PALB2: variants seen among roughly 807,000 people sequenced by gnomAD.
PALB2 encodes the protein partner and localizer of BRCA2.
Under a neutral mutation model 107.4 loss-of-function variants are expected in PALB2, and 82 were observed. The observed-to-expected ratio is 0.76, with a 90% CI of 0.64 to 0.92. The LOEUF is 0.92. PALB2 is among the 40% of genes least tolerant of loss of function. The pLI, the probability that PALB2 is intolerant of heterozygous loss-of-function variation, is 0.00. For missense variants in PALB2, 1,374 were observed against 1,379.9 expected (o/e 1.00, Z 0.07); for synonymous variants, 489 against 496.8 (o/e 0.98, Z 0.21).
At chr16:23,621,038 A>G (rs1597079272) in intron 10 of PALB2, among the ~76,000 whole-genome samples, 1 of 152,176 alleles carries the variant, frequency 6.6e-6, no homozygotes, top group African/African-American at 2.4e-5. Flanking sequence ...ATGAAACCCT[A>G]TCTCTACTAA....
chr16:23,636,215 C>T lies in PALB2; in HGVS notation c.331G>A (p.Asp111Asn), dbSNP rs1597099556. ...DVGPESFNPGDGPGGLPIQRT... is the reference protein window; with the variant it reads ...DVGPESFNPGNGPGGLPIQRT... Reference sequence around the variant, plus strand: ...TGTATAGGTAATCCTCCTGGGCCATCTCCAGGGTTAAAGGACTCAGGCCCA... The same window carrying T: ...TGTATAGGTAATCCTCCTGGGCCATTTCCAGGGTTAAAGGACTCAGGCCCA... Residue 111 changes from aspartate (D) to asparagine (N), a missense_variant, in exon 4 of 13, where the codon GAT becomes AAT. Transcript: ENST00000261584. 3 of 1,613,220 alleles carry T rather than the reference C, an allele frequency of 1.9e-6. No homozygotes were observed. The highest frequency in any genetic ancestry group is 2.5e-6 in the Non-Finnish European group (3 of 1,179,876).
intron 8 of PALB2, 106 bp downstream of exon 8, chr16:23,623,903 T>C: frequency 1.3e-6 from 1 of 761,380 alleles, no homozygotes; most frequent in South Asian, 1.5e-5. Context: ...TCTTTAGATC[T>C]TTCAGATTCT....
At position 23,634,996 on chromosome 16, in the gene PALB2, TTTC is replaced by T; in HGVS notation, c.1547_1549del (p.Arg516del). On this transcript the variant is annotated inframe_deletion, in exon 4 of 13. Coordinates refer to ENST00000261584, the MANE Select transcript of PALB2 (RefSeq NM_024675.4). Reference sequence around the variant, plus strand: ...ATCTGATGCTGGGGTGCAGGCTGATTTTCTTTTTCCTGTGTATCTTCTACCAGG... The same window carrying T: ...ATCTGATGCTGGGGTGCAGGCTGATTTTTTTCCTGTGTATCTTCTACCAGG... 6.2e-7 allele frequency: 1 copy of T among 1,614,142 alleles called. No individual in the cohort carries two copies. Among genetic ancestry groups the T allele is most frequent in the Non-Finnish European group, 8.5e-7 (1 of 1,180,034 alleles).
intron 11 of PALB2, among the ~76,000 whole-genome samples, chr16:23,609,093 C>T (rs1022229898): frequency 7.2e-5 from 11 of 151,748 alleles, no homozygotes; most frequent in African/African-American, 2.4e-4. Flanking sequence ...CCCAAAGGGC[C>T]GGGATTATAG....
chr16:23,618,879 T>A (rs1445307600), intron 10 of PALB2, among the ~76,000 whole-genome samples: 2 of 152,140 alleles, frequency 1.3e-5, no homozygotes, highest in Non-Finnish European at 2.9e-5. Context: ...GTGCTCCAAG[T>A]GGCCAAGCGC....
chr16:23,628,569 A>C (rs1966851576), intron 6 of PALB2, among the ~76,000 whole-genome samples: 1 of 152,202 alleles, frequency 6.6e-6, no homozygotes. Context: ...ATTCTTCCAG[A>C]AACATTACAC....
intron 12 of PALB2, among the ~76,000 whole-genome samples, chr16:23,606,752 T>C (rs1966483016): frequency 6.6e-6 from 1 of 151,694 alleles, no homozygotes. Context: ...CTCGAACTCC[T>C]GACCTCATGA....
intron 10 of PALB2, among the ~76,000 whole-genome samples, chr16:23,620,409 T>C (rs1966752690): frequency 6.6e-6 from 1 of 152,172 alleles, no homozygotes; most frequent in Non-Finnish European, 1.5e-5. Context: ...GATCTTCTAT[T>C]AGGCTTCCAG....
At chr16:23,640,034 G>A (rs996160359) in intron 1 of PALB2, among the ~76,000 whole-genome samples, 2 of 152,060 alleles carry the variant, frequency 1.3e-5, no homozygotes, top group African/African-American at 2.4e-5. Flanking sequence ...TGGGACTACA[G>A]GCTGGCGTCA....
At position 23,626,226 on chromosome 16, in the gene PALB2, TC is replaced by T. The variant is rs863224430; in HGVS notation, c.2748+9del. 2 of 1,614,192 alleles carry T rather than the reference TC, an allele frequency of 1.2e-6. No homozygotes were observed. The highest frequency in any genetic ancestry group is 1.7e-6 in the Non-Finnish European group (2 of 1,180,030). The stretch of plus-strand genomic sequence containing the variant: ...GCAAAGATCTCTTTCAGCTCGAGAT[TC>T]CCACTTACCTCTGCGAAGTGCCAGG... On this transcript the variant is annotated intron_variant, in intron 7 of 12. Transcript: ENST00000261584.
chr16:23,632,273 G>A (rs1299060415), intron 4 of PALB2, among the ~76,000 whole-genome samples: 4 of 151,982 alleles, frequency 2.6e-5, no homozygotes, highest in Admixed American at 2.6e-4. Flanking sequence ...GTGAAACCCC[G>A]TCTCTACTAA....
Position 23,621,375 on chromosome 16 carries a change from T to A in PALB2, c.3100A>T (p.Asn1034Tyr). ...GGGAAAGCTTACCAAATAACAATGT[T>A]GTTCATAATAGTAGTACCAAGCAGA... ...EALLGTTIMN[N>Y]IVIWNLKTGQ... Residue 1034 changes from asparagine to tyrosine, a missense_variant, in exon 10 of 13, where the codon AAC (asparagine) becomes TAC (tyrosine). Transcript: ENST00000261584. 2 of 1,610,588 alleles carry A rather than the reference T, an allele frequency of 1.2e-6. No homozygotes were observed. Among genetic ancestry groups the A allele is most frequent in the Non-Finnish European group, 1.7e-6 (2 of 1,176,870 alleles).
chr16:23,628,632 T>C (rs1017072414), intron 6 of PALB2, among the ~76,000 whole-genome samples: 1 of 152,208 alleles, frequency 6.6e-6, no homozygotes. Context: ...TCAAAATGCC[T>C]GTTAGATTTA....
chr16:23,626,525 G>T, intron 6 of PALB2, 128 bp from the exon 7 acceptor site: 1 of 1,099,778 alleles, frequency 9.1e-7, no homozygotes, highest in Non-Finnish European at 1.3e-6. Flanking sequence ...TCTTATGCAG[G>T]TGAAAAGAAA....
chr16:23,640,733 T>A (rs1369109780), intron 1 of PALB2: 1 of 272,914 alleles, frequency 3.7e-6, no homozygotes, highest in Non-Finnish European at 7.0e-6. Flanking sequence ...ACGCCCCTCC[T>A]CCACCACCCA....
At chr16:23,613,957 G>T in intron 11 of PALB2, 47 bp downstream of exon 11, 2 of 1,420,054 alleles carry the variant, frequency 1.4e-6, no homozygotes, top group Non-Finnish European at 9.9e-7. Flanking sequence ...CTCACTTAAT[G>T]AGACCAACAG....
intron 4 of PALB2, 76 bp from the exon 5 acceptor site, chr16:23,630,545 A>T: frequency 8.7e-7 from 1 of 1,149,926 alleles, no homozygotes; most frequent in Non-Finnish European, 1.3e-6. Context: ...GATGACAAAG[A>T]GAATAGGATC....
intron 11 of PALB2, 57 bp downstream of exon 11, chr16:23,613,947 C>CT: frequency 3.0e-6 from 4 of 1,324,224 alleles, no homozygotes; most frequent in Non-Finnish European, 4.3e-6. Flanking sequence ...ACTTACTGCT[C>CT]TCACTTAATG....
intron 4 of PALB2, among the ~76,000 whole-genome samples, chr16:23,634,418 G>C (rs1198698415): frequency 6.6e-6 from 1 of 152,026 alleles, no homozygotes; most frequent in Non-Finnish European, 1.5e-5. Context: ...GAGAGGCTGT[G>C]GTGGGAGGAT....
Sources: allele counts gnomAD v4.1 joint callset (sites outside exome capture counted in the v4.1 genomes callset), GRCh38; gene constraint gnomAD v4.1.1; transcripts MANE v1.5; gene names NCBI Gene and HGNC (gene_info 2026-07-23, HGNC 2026-07-21).